FEZF1: variants seen among roughly 807,000 people sequenced by gnomAD.
FEZF1 encodes the protein FEZ family zinc finger 1, also known as fez family zinc finger protein 1.
In FEZF1, 8 loss-of-function variants were observed where a neutral mutation model predicts 32.4. The observed-to-expected ratio is 0.25, with a 90% CI of 0.15 to 0.45. The LOEUF is 0.45. Among genes scored for constraint, FEZF1 ranks in the 20% least tolerant of loss-of-function variants. The pLI is 1.00. For missense variants in FEZF1, 546 were observed against 622.3 expected, an observed-to-expected ratio of 0.88 and a Z score of 1.31; for synonymous variants, 259 against 265.2, an observed-to-expected ratio of 0.98 and a Z score of 0.23.
chr7:122,301,653 G>T lies in FEZF1; in HGVS notation c.*344C>A, dbSNP rs951935623. On this transcript the variant is annotated 3_prime_UTR_variant, in exon 4 of 4. Transcript: ENST00000442488. ...AATAATACAGATCTCAATAAATATA[G>T]CAGAAATTTGTTTAAACAAAACAAA... 26 of 241,028 alleles carry T rather than the reference G, an allele frequency of 1.1e-4. No individual in the cohort carries two copies. The highest frequency in any genetic ancestry group is 5.4e-4 in the African/African-American group (24 of 44,486). 14.9% of individuals were successfully genotyped at this position (241,028 alleles called of 1,614,324 possible).
rs1440534543 is a variant in FEZF1, at chr7:122,302,427, G to A, written c.1070-72C>T. 2 of 1,587,882 alleles carry A rather than the reference G, an allele frequency of 1.3e-6. No homozygotes were observed. Among genetic ancestry groups the A allele is most frequent in the Non-Finnish European group, 1.7e-6 (2 of 1,171,066 alleles). On this transcript the variant is annotated intron_variant, in intron 3 of 3. Transcript: ENST00000442488. The surrounding 1 kb of genome is among the most constrained non-coding windows in gnomAD (Gnocchi z 4.4). Reference sequence around the variant, plus strand: ...CTTAAAAAGGGAGGAGCAGACACGTGGAAGGTAGCGCCAGGCAAGCAGAAG... The same window carrying A: ...CTTAAAAAGGGAGGAGCAGACACGTAGAAGGTAGCGCCAGGCAAGCAGAAG...
At chr7:122,307,030 A>G (rs1350096621), upstream of FEZF1, 1 of 152,172 alleles carries the variant, frequency 6.6e-6, no homozygotes, top group African/African-American at 2.4e-5. Context: ...GAGAGGCGCC[A>G]CATCCCCGAG....
Position 122,303,643 on chromosome 7 carries a change from A to G in FEZF1, c.795T>C (p.Cys265=). ...CGTTTTGCATTGTACTTGCCTTTCCACACACTTCGCAAGTGAAAACTTTGG... is the reference window on the plus strand; with the variant it reads ...CGTTTTGCATTGTACTTGCCTTTCCGCACACTTCGCAAGTGAAAACTTTGG... ...AKPKVFTCEV[C]GKVFNAHYNL... is the part of the protein sequence containing the mutation. The change falls in exon 1 of 4, where the codon TGT becomes TGC. Residue 265 remains cysteine, a synonymous_variant. Transcript: ENST00000442488. The G allele has an allele frequency of 6.2e-7, 1 of 1,613,542 alleles. No homozygotes were observed. The highest frequency in any genetic ancestry group is 8.5e-7 in the Non-Finnish European group (1 of 1,179,802).
chr7:122,303,108 G>A (rs1457349823), intron 2 of FEZF1, 69 bp downstream of exon 2: 5 of 1,605,192 alleles, frequency 3.1e-6, no homozygotes, highest in South Asian at 1.1e-5. Context: ...AAAGAGTAAG[G>A]TTTTATCGGC....
In FEZF1 at chr7:122,304,432, G is replaced by C. The variant is rs779450036; in HGVS notation, c.6C>G (p.Asp2Glu). 1 of 1,553,008 alleles carries C rather than the reference G, an allele frequency of 6.4e-7. No individual in the cohort carries two copies. Among genetic ancestry groups the C allele is most frequent in the South Asian group, 1.2e-5 (1 of 83,828 alleles). The change falls in exon 1 of 4, where the codon GAC (aspartate) becomes GAG (glutamate). Residue 2 changes from aspartate to glutamate, a missense_variant. Physicochemically the swap from Asp to Glu is conservative, Grantham distance 45. This residue lies in a region of FEZF1 where 345 missense variants were observed against 360.6 expected (regional missense o/e 0.96). Transcript: ENST00000442488. M[D>E]SSCHNATTKM... ...TGGTAGTCGCGTTGTGGCAGCTACT[G>C]TCCATGTCTGAGTCGCCAGCGTCCG... is the stretch of plus-strand genomic sequence containing the variant.
At chr7:122,307,785 C>T (rs2031325236), upstream of FEZF1, among the ~76,000 whole-genome samples, 1 of 152,194 alleles carries the variant, frequency 6.6e-6, no homozygotes, top group African/African-American at 2.4e-5. Flanking sequence ...TTACTAAAGA[C>T]TGAAAAGGTG....
At position 122,304,339 on chromosome 7, in the gene FEZF1, A is replaced by C. The variant is rs1387955733; in HGVS notation, c.99T>G (p.Ile33Met). 8 of 1,612,924 alleles carry C rather than the reference A, an allele frequency of 5.0e-6. No individual in the cohort carries two copies. Among genetic ancestry groups the C allele is most frequent in the Non-Finnish European group, 5.9e-6 (7 of 1,179,268 alleles). The part of the protein sequence containing the change: ...MSTSKPLAFS[I>M]ERIMARTPEP... ...CTGGGGTGCGCGCCATGATTCGTTC[A>C]ATGGAGAAAGCCAAGGGTTTGGACG... Residue 33 changes from isoleucine (I) to methionine (M), a missense_variant, in exon 1 of 4, where the codon ATT becomes ATG. Ile to Met is a conservative substitution (Grantham distance 10, BLOSUM62 1). Around this residue, in one of 3 missense-constraint regions of FEZF1, gnomAD observed 345 missense variants for 360.6 expected, o/e 0.96. Coordinates refer to ENST00000442488, the MANE Select transcript of FEZF1 (RefSeq NM_001024613.4).
upstream of FEZF1, chr7:122,307,236 T>C (rs2031309504): frequency 6.6e-6 from 1 of 152,194 alleles, no homozygotes; most frequent in African/African-American, 2.4e-5. Flanking sequence ...TGGGTCGCGG[T>C]TAAGACTTTA....
rs376604567 is a variant in FEZF1, at chr7:122,302,105, T to A, written c.1320A>T (p.Glu440Asp). ...GCTGCTGCGGTAGCGGGGGCGGCGG[T>A]TCAGTGCCTGGTTCGCCAGCTGGCG... ...ARTPAGEPGT[E>D]PPPPLPQQPP... Residue 440 changes from glutamate to aspartate, a missense_variant, in exon 4 of 4, where the codon GAA (glutamate) becomes GAT (aspartate). Glu to Asp is a conservative substitution (Grantham distance 45, BLOSUM62 2). Transcript: ENST00000442488. The surrounding 1 kb of genome is among the most constrained non-coding windows in gnomAD (Gnocchi z 4.4). The A allele has an allele frequency of 2.5e-6, 4 of 1,612,196 alleles. No individual in the cohort carries two copies. In the South Asian group the frequency reaches 3.3e-5, roughly 13 times the overall value.
intron 1 of FEZF1, 101 bp downstream of exon 1, chr7:122,303,536 A>AGGAAGGAAGGAAGGAAGGAAGGAG (rs1455041615): frequency 3.2e-6 from 1 of 315,976 alleles, no homozygotes; most frequent in African/African-American, 4.2e-5. Context: ...GAAGGAAGGA[A>AGGAAGGAAGGAAGGAAGGAAGGAG]GGAGGGAGGG....
At chr7:122,307,472 T>C (rs1420969016), upstream of FEZF1, 3 of 152,570 alleles carry the variant, frequency 2.0e-5, no homozygotes, top group Non-Finnish European at 4.4e-5. Context: ...ATGCCACCAG[T>C]TCGTTTTACG....
chr7:122,308,769 C>G (rs1483646811), upstream of FEZF1, among the ~76,000 whole-genome samples: 1 of 152,096 alleles, frequency 6.6e-6, no homozygotes, highest in African/African-American at 2.4e-5. Context: ...GACCCCCAGC[C>G]CCTTCACCAA....
chr7:122,302,159 C>A lies in FEZF1; in HGVS notation c.1266G>T (p.Leu422=). ...NFDLKKHVRK[L]HDSSLGLART... is the part of the protein sequence containing the mutation. Reference sequence around the variant, plus strand: ...GGGCCAGCCCCAGGCTGCTGTCGTGCAGCTTGCGGACATGCTTCTTGAGGT... The same window carrying A: ...GGGCCAGCCCCAGGCTGCTGTCGTGAAGCTTGCGGACATGCTTCTTGAGGT... The change falls in exon 4 of 4, where the codon CTG becomes CTT. Residue 422 remains leucine (L), a synonymous_variant. Transcript: ENST00000442488. The surrounding 1 kb of genome is among the most constrained non-coding windows in gnomAD (Gnocchi z 4.4). 2 of 1,614,200 alleles carry A rather than the reference C, an allele frequency of 1.2e-6. No homozygotes were observed. Among genetic ancestry groups the A allele is most frequent in the Non-Finnish European group, 1.7e-6 (2 of 1,180,032 alleles).
In FEZF1 at chr7:122,302,109, G is replaced by A. The variant is rs1479950425; in HGVS notation, c.1316C>T (p.Thr439Ile). ...CTGCGGTAGCGGGGGCGGCGGTTCAGTGCCTGGTTCGCCAGCTGGCGTGCG... is the reference window on the plus strand; with the variant it reads ...CTGCGGTAGCGGGGGCGGCGGTTCAATGCCTGGTTCGCCAGCTGGCGTGCG... Reference protein sequence around the residue: ...LARTPAGEPGTEPPPPLPQQP... With the variant: ...LARTPAGEPGIEPPPPLPQQP... The change falls in exon 4 of 4, where the codon ACT becomes ATT. Residue 439 changes from threonine (T) to isoleucine (I), a missense_variant. Physicochemically the swap from Thr to Ile is moderately conservative, Grantham distance 89. Coordinates refer to ENST00000442488, the MANE Select transcript of FEZF1 (RefSeq NM_001024613.4). This position sits in a 1 kb window ranked among gnomAD's most constrained non-coding sequence, Gnocchi z 4.4. 6.2e-7 allele frequency: 1 copy of A among 1,613,144 alleles called. No individual in the cohort carries two copies. Among genetic ancestry groups the A allele is most frequent in the African/African-American group, 1.3e-5 (1 of 74,932 alleles).
At chr7:122,310,072 G>A (rs80320650) in intron 1 of FEZF1, 1 of 152,188 alleles carries the variant, frequency 6.6e-6, no homozygotes, top group Non-Finnish European at 1.5e-5. Flanking sequence ...GTCGATAATA[G>A]AAATTAAAAC....
chr7:122,303,501 GGAA>G (rs2031122538), intron 1 of FEZF1, 133 bp downstream of exon 1: 8 of 535,788 alleles, frequency 1.5e-5, no homozygotes, highest in Non-Finnish European at 2.6e-5. Flanking sequence ...AAGGAAGGAA[GGAA>G]GGAAGGAAGG....
In FEZF1 at chr7:122,304,061, C is replaced by G. The variant is rs1461697009; in HGVS notation, c.377G>C (p.Ser126Thr). 7.7e-6 allele frequency: 12 copies of G among 1,562,414 alleles called. No homozygotes were observed. Reference sequence around the variant, plus strand: ...GTCGCGGGCCAGGTCGCCCTTGAGACTCAGTGCGCAGTTGAGCAGGTCGCT... The same window carrying G: ...GTCGCGGGCCAGGTCGCCCTTGAGAGTCAGTGCGCAGTTGAGCAGGTCGCT... The part of the protein sequence containing the change: ...SCSDLLNCAL[S>T]LKGDLARDAL... Residue 126 changes from serine (S) to threonine (T), a missense_variant, in exon 1 of 4, where the codon AGT (serine) becomes ACT (threonine). Transcript: ENST00000442488.
In FEZF1 at chr7:122,302,840, G is replaced by T. The variant is rs750318384; in HGVS notation, c.1028C>A (p.Pro343Gln). The stretch of plus-strand genomic sequence containing the variant: ...TTTGCCACAGAATTCACACACAAAC[G>T]GTTTGTAGCCCGCGTGTATTCGGGT... ...THTRIHAGYKPFVCEFCGKGF... is the reference protein window; with the variant it reads ...THTRIHAGYKQFVCEFCGKGF... Residue 343 changes from proline to glutamine, a missense_variant, in exon 3 of 4, where the codon CCG becomes CAG. Physicochemically the swap from Pro to Gln is moderately conservative, Grantham distance 76 (BLOSUM62 -1). Coordinates refer to ENST00000442488, the MANE Select transcript of FEZF1 (RefSeq NM_001024613.4). The surrounding 1 kb of genome is among the most constrained non-coding windows in gnomAD (Gnocchi z 4.4). The T allele has an allele frequency of 1.2e-6, 2 of 1,614,030 alleles. No homozygotes were observed. Among genetic ancestry groups the T allele is most frequent in the Non-Finnish European group, 8.5e-7 (1 of 1,180,008 alleles).
chr7:122,305,771 C>T (rs1365262630), upstream of FEZF1: 1 of 152,304 alleles, frequency 6.6e-6, no homozygotes, highest in Non-Finnish European at 1.5e-5. Flanking sequence ...AGGCGGCAGC[C>T]TGGATGTCTG....
Sources: gnomAD v4.1 joint callset for allele counts (sites outside exome capture counted in the v4.1 genomes callset) on GRCh38, gnomAD v4.1.1 for gene constraint, gnomAD v4.1.1 regional missense constraint, Gnocchi (gnomAD v3.1) non-coding constraint, MANE v1.5 for transcripts, NCBI Gene and HGNC (gene_info 2026-07-23, HGNC 2026-07-21) for gene names.